The following RPS6KA2 variants were observed in gnomAD, a reference collection of about 807,000 sequenced individuals.
The protein encoded by RPS6KA2 is ribosomal protein S6 kinase A2.
A neutral mutation model predicts 91.8 loss-of-function variants in RPS6KA2; 42 were observed. The observed-to-expected ratio is 0.46, with a 90% confidence interval of 0.36 to 0.59. RPS6KA2 has a LOEUF of 0.59. RPS6KA2 is among the 20% of genes least tolerant of loss of function. The pLI is 0.00. For synonymous variants in RPS6KA2, 414 were observed against 393.6 expected (o/e 1.05, Z -0.61); for missense variants, 798 against 978.5 (o/e 0.82, Z 2.46).
At chr6:166,627,985 G>A (rs1786959916), upstream of RPS6KA2, 1 of 152,086 alleles carries the variant, frequency 6.6e-6, no homozygotes, top group Non-Finnish European at 1.5e-5. Flanking sequence ...AGGCGCCCGA[G>A]GGCGGGGGCT....
chr6:166,764,894 A>G (rs958718130), intron 2 of RPS6KA2, among the ~76,000 whole-genome samples: 3 of 152,270 alleles, frequency 2.0e-5, no homozygotes, highest in Non-Finnish European at 4.4e-5. Flanking sequence ...GTATCAACAC[A>G]CATATGCAGG....
At chr6:166,778,639 G>A (rs566285715) in intron 2 of RPS6KA2, among the ~76,000 whole-genome samples, 7 of 152,230 alleles carry the variant, frequency 4.6e-5, no homozygotes, top group Admixed American at 2.0e-4. Context: ...GGTGGCACGC[G>A]CCTATAGTCC....
At chr6:166,791,685 C>A (rs2128614318) in intron 2 of RPS6KA2, among the ~76,000 whole-genome samples, 1 of 152,082 alleles carries the variant, frequency 6.6e-6, no homozygotes, top group African/African-American at 2.4e-5. Context: ...ACAGTGCAAT[C>A]AAACTAGAAC....
chr6:166,783,073 T>G (rs1272302723), intron 2 of RPS6KA2, among the ~76,000 whole-genome samples: 1 of 145,642 alleles, frequency 6.9e-6, no homozygotes, highest in Non-Finnish European at 1.5e-5. Context: ...TTATTATTAT[T>G]ATTATTATTA....
intron 11 of RPS6KA2, 98 bp downstream of exon 11, chr6:166,469,743 G>A (rs530105693): frequency 2.5e-4 from 277 of 1,095,816 alleles, no homozygotes; most frequent in Middle Eastern, 4.6e-4. Flanking sequence ...ACCTACTTGT[G>A]ACCCGGACAC....
intron 2 of RPS6KA2, among the ~76,000 whole-genome samples, chr6:166,785,345 T>A (rs1778902728): frequency 6.6e-6 from 1 of 152,228 alleles, no homozygotes; most frequent in South Asian, 2.1e-4. Context: ...GTCTCCTCCC[T>A]AGGTCGCTGG....
intron 2 of RPS6KA2, among the ~76,000 whole-genome samples, chr6:166,813,534 T>C (rs1289055173): frequency 6.6e-6 from 1 of 152,226 alleles, no homozygotes; most frequent in African/African-American, 2.4e-5. Context: ...TGGATTGTCT[T>C]GCATTCTGGA....
chr6:166,619,876 C>T (rs777567710), intron 1 of RPS6KA2, among the ~76,000 whole-genome samples: 22 of 152,184 alleles, frequency 1.4e-4, no homozygotes, highest in Non-Finnish European at 2.6e-4. Context: ...GGGACCTGTG[C>T]GAGCTTCTTA....
intron 1 of RPS6KA2, among the ~76,000 whole-genome samples, chr6:166,566,998 G>A (rs1029374071): frequency 6.6e-6 from 1 of 152,190 alleles, no homozygotes; most frequent in Non-Finnish European, 1.5e-5. Context: ...AACTAAAGGA[G>A]CTTCTTAGCC....
intron 2 of RPS6KA2, among the ~76,000 whole-genome samples, chr6:166,681,106 GGAAAGGGCA>G (rs1355574996): frequency 6.6e-6 from 1 of 152,190 alleles, no homozygotes; most frequent in African/African-American, 2.4e-5. Flanking sequence ...TGGAGAAGGT[GGAAAGGGCA>G]GAGAGGCAGC....
chr6:166,741,174 A>G (rs556544211), intron 2 of RPS6KA2, among the ~76,000 whole-genome samples: 1 of 152,360 alleles, frequency 6.6e-6, no homozygotes, highest in African/African-American at 2.4e-5. Context: ...AAACACACAA[A>G]GCCATTCTAT....
intron 12 of RPS6KA2, 128 bp from the exon 13 acceptor site, chr6:166,451,361 A>G: frequency 1.5e-4 from 111 of 742,098 alleles, no homozygotes; most frequent in Middle Eastern, 4.2e-4. Context: ...GTGTGTGTGC[A>G]CGTGGCGTAT....
chr6:166,644,611 T>G (rs919568353), intron 2 of RPS6KA2, among the ~76,000 whole-genome samples: 3 of 152,198 alleles, frequency 2.0e-5, no homozygotes, highest in Non-Finnish European at 4.4e-5. Flanking sequence ...TAGACGTATT[T>G]TAAATAAGGG....
chr6:166,440,983 T>C (rs9347126), intron 14 of RPS6KA2, among the ~76,000 whole-genome samples: 1 of 152,272 alleles, frequency 6.6e-6, no homozygotes, highest in African/African-American at 2.4e-5. Flanking sequence ...CTTCTTTGAT[T>C]AGAGAATGCC....
chr6:166,522,835 G>C (rs1272060907), intron 3 of RPS6KA2, among the ~76,000 whole-genome samples: 1 of 152,204 alleles, frequency 6.6e-6, no homozygotes, highest in African/African-American at 2.4e-5. Context: ...TAAAGGAAGA[G>C]AAGAAAACCA....
exon 1 of RPS6KA2, chr6:166,862,287 G>A (rs1781065315): frequency 2.5e-6 from 4 of 1,580,902 alleles, no homozygotes; most frequent in Non-Finnish European, 3.4e-6. Flanking sequence ...GGGACGCAGA[G>A]GCCGGCGGGT....
chr6:166,817,974 C>T (rs908021700), intron 2 of RPS6KA2, among the ~76,000 whole-genome samples: 2 of 152,172 alleles, frequency 1.3e-5, no homozygotes, highest in Non-Finnish European at 2.9e-5. Context: ...CCACCCACCT[C>T]GGCCTCCCAA....
In RPS6KA2 at chr6:166,757,499, C is replaced by A. The variant is rs138803914; in HGVS notation, c.123+100701G>T. The A allele has an allele frequency of 9.4e-3, 4,264 of 456,022 alleles. 95 individuals carry two copies. Among genetic ancestry groups the A allele is most frequent in the Admixed American group, 0.044 (1,880 of 42,556 alleles). The allele number at this position is 456,022 out of a possible 1,614,324, so 28.2% of individuals were successfully genotyped here. On this transcript the variant is annotated intron_variant, in intron 2 of 21. Transcript: ENST00000503859. Reference sequence around the variant, plus strand: ...ATAAAAACTGCCAAGCTCCCTGGGACCCCCATTTCCTGCGAGCCCTCCCTT... The same window carrying A: ...ATAAAAACTGCCAAGCTCCCTGGGAACCCCATTTCCTGCGAGCCCTCCCTT...
intron 2 of RPS6KA2, among the ~76,000 whole-genome samples, chr6:166,687,316 G>A (rs1789054570): frequency 6.6e-6 from 1 of 152,212 alleles, no homozygotes; most frequent in Non-Finnish European, 1.5e-5. Context: ...GGAACACACA[G>A]CTGTAGTCTG....
Sources: allele counts gnomAD v4.1 joint callset (sites outside exome capture counted in the v4.1 genomes callset), GRCh38; gene constraint gnomAD v4.1.1; transcripts MANE v1.5; gene names NCBI Gene and HGNC (gene_info 2026-07-23, HGNC 2026-07-21).